The following FOXJ3 variants were observed in gnomAD, a reference collection of about 807,000 sequenced individuals.
FOXJ3 encodes the protein forkhead box J3.
In FOXJ3, 22 loss-of-function variants were observed where a neutral mutation model predicts 76.1. That is an observed-to-expected ratio of 0.29 (90% confidence interval 0.21 to 0.41). FOXJ3 has a LOEUF of 0.41. Ranked by LOEUF, FOXJ3 falls within the 10% of genes least tolerant of loss-of-function variation. The pLI is 1.00. For missense variants in FOXJ3, 613 were observed against 762.1 expected (o/e 0.80, Z 2.30); for synonymous variants, 269 against 261.2 (o/e 1.03, Z -0.29).
intron 7 of FOXJ3, among the ~76,000 whole-genome samples, chr1:42,195,597 C>T (rs1433978158): frequency 2.0e-5 from 3 of 152,132 alleles, no homozygotes; most frequent in Non-Finnish European, 4.4e-5. Context: ...TCTTTAAAAG[C>T]AGGAAAACTA....
intron 1 of FOXJ3, among the ~76,000 whole-genome samples, chr1:42,325,007 A>G (rs1451394681): frequency 6.6e-6 from 1 of 152,134 alleles, no homozygotes; most frequent in Non-Finnish European, 1.5e-5. Flanking sequence ...TTATGGGACC[A>G]CCACTGTATA....
intron 4 of FOXJ3, among the ~76,000 whole-genome samples, chr1:42,240,116 G>A (rs1298134135): frequency 6.6e-6 from 1 of 152,178 alleles, no homozygotes; most frequent in Non-Finnish European, 1.5e-5. Flanking sequence ...GATATTGGAG[G>A]AGGGAATACT....
chr1:42,324,054 C>CTATATACACAGTGTATATATAGTATATAT (rs1557725618), intron 1 of FOXJ3, among the ~76,000 whole-genome samples: 1 of 112,748 alleles, frequency 8.9e-6, no homozygotes, highest in Non-Finnish European at 1.8e-5. Flanking sequence ...ATAGTATATA[C>CTATATACACAGTGTATATATAGTATATAT]ACTGTATATA....
intron 1 of FOXJ3, among the ~76,000 whole-genome samples, chr1:42,334,458 AAC>A (rs1570282423): frequency 6.6e-6 from 1 of 152,130 alleles, no homozygotes; most frequent in African/African-American, 2.4e-5. Context: ...GGCAGGATGC[AAC>A]ACACACAGGA....
intron 4 of FOXJ3, among the ~76,000 whole-genome samples, chr1:42,255,742 G>C (rs1196658279): frequency 6.6e-6 from 1 of 152,208 alleles, no homozygotes; most frequent in Non-Finnish European, 1.5e-5. Context: ...GAAATTAAGT[G>C]CCGGATGTGG....
At chr1:42,268,071 C>CA (rs890208515) in intron 3 of FOXJ3, among the ~76,000 whole-genome samples, 12 of 151,838 alleles carry the variant, frequency 7.9e-5, no homozygotes, top group African/African-American at 2.4e-4. Flanking sequence ...CAAGAATCTT[C>CA]AAAAAAATAA....
intron 1 of FOXJ3, among the ~76,000 whole-genome samples, chr1:42,329,787 T>A (rs535049706): frequency 7.2e-5 from 11 of 152,254 alleles, no homozygotes. Context: ...GCGGATGCGA[T>A]GTCAAGTTAA....
intron 4 of FOXJ3, among the ~76,000 whole-genome samples, chr1:42,231,926 C>T (rs972701067): frequency 6.6e-6 from 1 of 152,174 alleles, no homozygotes; most frequent in Non-Finnish European, 1.5e-5. Context: ...TTAGGTATAT[C>T]TCCTAATGCT....
intron 1 of FOXJ3, chr1:42,323,944 A>G (rs1464531148): frequency 6.6e-6 from 1 of 151,228 alleles, no homozygotes; most frequent in African/African-American, 2.4e-5. Context: ...AAATGACTAT[A>G]TATCAAGTGT....
Position 42,272,361 on chromosome 1 carries a change from G to A in FOXJ3, c.369+5987C>T, listed in dbSNP as rs759775204. 5.9e-5 allele frequency among the ~76,000 whole-genome samples: 9 copies of A among 152,252 alleles called. No individual in the cohort carries two copies. The South Asian group carries it at 1.0e-3, about 18-fold the overall frequency. The stretch of plus-strand genomic sequence containing the variant: ...GGAAGTAAAATAGAACAAGGCCTGC[G>A]CAAAGGAGAAGATAAACTAGGTTCC... On this transcript the variant is annotated intron_variant, in intron 3 of 12. Transcript: ENST00000361346.
chr1:42,324,089 C>CTG (rs1553170572), intron 1 of FOXJ3, among the ~76,000 whole-genome samples: 30 of 50,812 alleles, frequency 5.9e-4, no homozygotes, highest in East Asian at 4.0e-3. Flanking sequence ...AGTATATATA[C>CTG]TGTATATATA....
chr1:42,323,743 T>C (rs373816829), intron 1 of FOXJ3: 7 of 927,654 alleles, frequency 7.5e-6, no homozygotes, highest in East Asian at 2.3e-4. Flanking sequence ...TCAAGAGATA[T>C]ATGCTGAATA....
chr1:42,335,559 G>A (rs1404921942), upstream of FOXJ3: 2 of 152,118 alleles, frequency 1.3e-5, no homozygotes, highest in African/African-American at 4.8e-5. Flanking sequence ...ACGGATACCT[G>A]GGGCCCCATG....
At chr1:42,295,640 T>C (rs1045960931) in intron 2 of FOXJ3, among the ~76,000 whole-genome samples, 1 of 150,006 alleles carries the variant, frequency 6.7e-6, no homozygotes, top group African/African-American at 2.5e-5. Context: ...GCGATTCTCC[T>C]GCCTCTGCCT....
chr1:42,303,588 CTA>C (rs1354489865), intron 2 of FOXJ3, among the ~76,000 whole-genome samples: 8 of 152,154 alleles, frequency 5.3e-5, no homozygotes. Flanking sequence ...TCAACTATTT[CTA>C]TGTGTTCCCT....
chr1:42,302,204 C>G (rs1654194271), intron 2 of FOXJ3, among the ~76,000 whole-genome samples: 1 of 152,132 alleles, frequency 6.6e-6, no homozygotes, highest in African/African-American at 2.4e-5. Context: ...TTATCTAGAT[C>G]CCTAGTGCTG....
chr1:42,184,449 A>G (rs1482174702), intron 11 of FOXJ3, among the ~76,000 whole-genome samples: 1 of 152,112 alleles, frequency 6.6e-6, no homozygotes, highest in Non-Finnish European at 1.5e-5. Context: ...TTATTTTCAT[A>G]TAGAAATTCC....
intron 4 of FOXJ3, among the ~76,000 whole-genome samples, chr1:42,229,103 C>T (rs570105525): frequency 6.6e-6 from 1 of 152,206 alleles, no homozygotes; most frequent in East Asian, 1.9e-4. Context: ...ACTTGTAATA[C>T]CTACCATACC....
intron 4 of FOXJ3, among the ~76,000 whole-genome samples, chr1:42,233,172 T>C (rs1351783107): frequency 1.2e-5 from 1 of 82,236 alleles, no homozygotes; most frequent in Non-Finnish European, 2.7e-5. Flanking sequence ...TTGGTACCAG[T>C]ACCATGCTGT....
Sources: gnomAD v4.1 joint callset for allele counts (sites outside exome capture counted in the v4.1 genomes callset) on GRCh38, gnomAD v4.1.1 for gene constraint, MANE v1.5 for transcripts, NCBI Gene and HGNC (gene_info 2026-07-23, HGNC 2026-07-21) for gene names.